The following PRTG variants were observed in gnomAD, a reference collection of about 807,000 sequenced individuals.
The protein encoded by PRTG is protogenin, also known as immunoglobulin superfamily, DCC subclass, member 5.
In PRTG, 67 loss-of-function variants were observed where a neutral mutation model predicts 122.5. The observed-to-expected ratio is 0.55, with a 90% CI of 0.45 to 0.67. The LOEUF is 0.67. Among genes scored for constraint, PRTG ranks in the 30% least tolerant of loss-of-function variants. PRTG has a pLI of 0.00. For synonymous variants in PRTG, 554 were observed against 501.1 expected (o/e 1.11, Z -1.41); for missense variants, 1,435 against 1,415.4 (o/e 1.01, Z -0.22).
intron 2 of PRTG, 61 bp downstream of exon 2, chr15:55,740,321 G>C: frequency 7.0e-7 from 1 of 1,433,878 alleles, no homozygotes; most frequent in South Asian, 1.4e-5. Flanking sequence ...TATTAATAAA[G>C]CAAGAAATCA....
At chr15:55,736,753 C>T (rs574180186) in intron 2 of PRTG, among the ~76,000 whole-genome samples, 2 of 152,040 alleles carry the variant, frequency 1.3e-5, no homozygotes, top group African/African-American at 2.4e-5. Flanking sequence ...TATTTTTTAC[C>T]CAAGTGAACA....
At position 55,683,759 on chromosome 15, in the gene PRTG, A is replaced by T. The variant is rs2059554489; in HGVS notation, c.542+28T>A. 4.4e-6 allele frequency: 7 copies of T among 1,595,606 alleles called. No homozygotes were observed. The East Asian group carries it at 1.6e-4, about 36-fold the overall frequency. Reference sequence around the variant, plus strand: ...ATGAAGTCTTCATTACTCCCATATCATCTCCAAAGACAAAAATCTACATCT... The same window carrying T: ...ATGAAGTCTTCATTACTCCCATATCTTCTCCAAAGACAAAAATCTACATCT... On this transcript the variant is annotated intron_variant, in intron 3 of 19. Transcript: ENST00000389286.
chr15:55,691,730 G>GAA (rs2059603597), intron 2 of PRTG, among the ~76,000 whole-genome samples: 1 of 147,462 alleles, frequency 6.8e-6, no homozygotes, highest in Non-Finnish European at 1.5e-5. Context: ...TTCCAAAACA[G>GAA]AAAAACACCT....
At chr15:55,688,885 T>A (rs2059585142) in intron 2 of PRTG, among the ~76,000 whole-genome samples, 1 of 152,178 alleles carries the variant, frequency 6.6e-6, no homozygotes, top group South Asian at 2.1e-4. Context: ...GTGTCCAAAA[T>A]GAAGTGATCT....
intron 2 of PRTG, among the ~76,000 whole-genome samples, chr15:55,698,737 A>G (rs570517715): frequency 6.6e-6 from 1 of 152,160 alleles, no homozygotes; most frequent in Admixed American, 6.6e-5. Flanking sequence ...ATTTAAAAAC[A>G]ATGTGGCAGT....
In PRTG at chr15:55,676,527, A is replaced by G. The variant is rs75324098; in HGVS notation, c.1382-844T>C. 4.3e-3 allele frequency among the ~76,000 whole-genome samples: 655 copies of G among 152,316 alleles called. 9 individuals carry two copies. The highest frequency in any genetic ancestry group is 0.015 in the African/African-American group (637 of 41,580). On this transcript the variant is annotated intron_variant, in intron 8 of 19. Coordinates refer to ENST00000389286, the MANE Select transcript of PRTG (RefSeq NM_173814.6). ...AACAAAACAGAAGGCAAATTCCAGTATTAAGTTTTCCCACATTTCTGAATT... is the reference window on the plus strand; with the variant it reads ...AACAAAACAGAAGGCAAATTCCAGTGTTAAGTTTTCCCACATTTCTGAATT...
intron 15 of PRTG, among the ~76,000 whole-genome samples, chr15:55,633,009 T>G (rs2059236183): frequency 6.6e-6 from 1 of 152,200 alleles, no homozygotes; most frequent in African/African-American, 2.4e-5. Flanking sequence ...ATTGCTAATT[T>G]CCAGTGTGAA....
intron 2 of PRTG, among the ~76,000 whole-genome samples, chr15:55,737,996 C>CTT (rs1567121580): frequency 4.7e-4 from 31 of 65,334 alleles, no homozygotes; most frequent in Non-Finnish European, 1.1e-3. Context: ...CTCTCTCTCT[C>CTT]TCTCTCTATA....
chr15:55,715,316 G>T (rs1160443251), intron 2 of PRTG, among the ~76,000 whole-genome samples: 1 of 152,114 alleles, frequency 6.6e-6, no homozygotes, highest in Non-Finnish European at 1.5e-5. Flanking sequence ...TTTTCCACTT[G>T]CCTCCAGGGA....
chr15:55,720,548 T>C (rs569420081), intron 2 of PRTG, among the ~76,000 whole-genome samples: 1 of 152,350 alleles, frequency 6.6e-6, no homozygotes, highest in African/African-American at 2.4e-5. Flanking sequence ...TCTGTGATTT[T>C]GTACTCATGT....
intron 2 of PRTG, among the ~76,000 whole-genome samples, chr15:55,698,632 G>C (rs1595660989): frequency 6.6e-6 from 1 of 152,304 alleles, no homozygotes; most frequent in East Asian, 1.9e-4. Context: ...ATGGAGAGGA[G>C]AGAGGAAGAG....
intron 15 of PRTG, among the ~76,000 whole-genome samples, chr15:55,629,478 T>A (rs1361016516): frequency 6.7e-6 from 1 of 149,710 alleles, no homozygotes; most frequent in Middle Eastern, 3.2e-3. Flanking sequence ...AAACAGAATT[T>A]AGGACATTTT....
intron 2 of PRTG, among the ~76,000 whole-genome samples, chr15:55,703,441 G>A (rs1010941460): frequency 1.5e-4 from 23 of 152,090 alleles, no homozygotes; most frequent in Admixed American, 4.6e-4. Flanking sequence ...GGGCTTGACA[G>A]GCAACTAGGG....
At chr15:55,737,085 T>C (rs1007564400) in intron 2 of PRTG, among the ~76,000 whole-genome samples, 1 of 152,222 alleles carries the variant, frequency 6.6e-6, no homozygotes, top group African/African-American at 2.4e-5. Context: ...ATTCCTAAAA[T>C]ATTTAAATTT....
At chr15:55,664,738 C>T (rs1003403143) in intron 11 of PRTG, among the ~76,000 whole-genome samples, 3 of 151,976 alleles carry the variant, frequency 2.0e-5, no homozygotes, top group Non-Finnish European at 4.4e-5. Context: ...AGGCATGTAC[C>T]ACCATGCCCA....
intron 15 of PRTG, among the ~76,000 whole-genome samples, chr15:55,636,410 G>T (rs2059258029): frequency 6.6e-6 from 1 of 151,660 alleles, no homozygotes; most frequent in Non-Finnish European, 1.5e-5. Context: ...CACACTATCA[G>T]AAACCTAAGA....
At chr15:55,681,848 A>G (rs1447111556) in intron 4 of PRTG, among the ~76,000 whole-genome samples, 1 of 152,218 alleles carries the variant, frequency 6.6e-6, no homozygotes, top group Non-Finnish European at 1.5e-5. Context: ...TTTAAAAACG[A>G]AAGTGAAATA....
rs576678146 is a variant in PRTG at position 55,677,933 on chromosome 15, T to C, written c.1245A>G (p.Ser415=). The change falls in exon 8 of 20, where the codon TCA becomes TCG. Residue 415 remains serine, a synonymous_variant. Coordinates refer to ENST00000389286, the MANE Select transcript of PRTG (RefSeq NM_173814.6). The part of the protein sequence containing the change: ...LSRARLTVVM[S]EDRPSAPYNV... ...TATAGGGAGCACTGGGTCTGTCTTC[T>C]GACATCACTACAGTCAGTCTGGCTC... The C allele has an allele frequency of 6.2e-6, 10 of 1,613,816 alleles. No individual in the cohort carries two copies. The highest frequency in any genetic ancestry group is 3.3e-5 in the Admixed American group (2 of 59,982).
chr15:55,729,943 G>A (rs77600232), intron 2 of PRTG, among the ~76,000 whole-genome samples: 11,553 of 152,152 alleles, frequency 0.076, 495 homozygotes, highest in Non-Finnish European at 0.1. Context: ...TCCATGAAGC[G>A]TTACAGGACA....
Sources: allele counts gnomAD v4.1 joint callset (sites outside exome capture counted in the v4.1 genomes callset), GRCh38; gene constraint gnomAD v4.1.1; transcripts MANE v1.5; gene names NCBI Gene and HGNC (gene_info 2026-07-23, HGNC 2026-07-21).